The following ATF6 variants were observed in gnomAD, a reference collection of about 807,000 sequenced individuals.
ATF6 encodes the protein activating transcription factor 6.
In ATF6, 53 loss-of-function variants were observed where a neutral mutation model predicts 83.6. That is an observed-to-expected ratio of 0.63 (90% CI 0.51 to 0.80). The LOEUF is 0.80. Ranked by LOEUF, ATF6 falls within the 30% of genes least tolerant of loss-of-function variation. The pLI, the probability that ATF6 is intolerant of heterozygous loss-of-function variation, is 0.00. For synonymous variants in ATF6, 288 were observed against 285.8 expected (o/e 1.01, Z -0.08); for missense variants, 744 against 797.9 (o/e 0.93, Z 0.81).
intron 7 of ATF6, among the ~76,000 whole-genome samples, chr1:161,802,544 A>G (rs561320143): frequency 1.6e-4 from 24 of 152,276 alleles, no homozygotes; most frequent in Admixed American, 1.5e-3. Context: ...CTTCTTTAGA[A>G]CCAACCCTCT....
chr1:161,786,396 T>C (rs1217642901), intron 4 of ATF6, among the ~76,000 whole-genome samples: 5 of 152,226 alleles, frequency 3.3e-5, no homozygotes, highest in African/African-American at 4.8e-5. Flanking sequence ...GCAAATATTT[T>C]TTCCCCAATT....
chr1:161,928,794 C>G (rs1688374253), intron 15 of ATF6, among the ~76,000 whole-genome samples: 1 of 152,140 alleles, frequency 6.6e-6, no homozygotes, highest in African/African-American at 2.4e-5. Context: ...ATAGATGTGG[C>G]CATGTGTTTT....
At chr1:161,810,644 A>G (rs1481173788) in intron 7 of ATF6, among the ~76,000 whole-genome samples, 1 of 152,034 alleles carries the variant, frequency 6.6e-6, no homozygotes, top group African/African-American at 2.4e-5. Context: ...GATAAAATGC[A>G]CATTACATAA....
At chr1:161,850,968 A>G (rs1686603958) in intron 10 of ATF6, among the ~76,000 whole-genome samples, 1 of 152,180 alleles carries the variant, frequency 6.6e-6, no homozygotes, top group Non-Finnish European at 1.5e-5. Flanking sequence ...CATCAGTGCG[A>G]TGGCTAGGAA....
At position 161,787,274 on chromosome 1, in the gene ATF6, A is replaced by T. The variant is rs914514050; in HGVS notation, c.354+3178A>T. 2.0e-5 allele frequency among the ~76,000 whole-genome samples: 3 copies of T among 152,100 alleles called. 1 individual carries two copies. Among genetic ancestry groups the T allele is most frequent in the Admixed American group, 2.0e-4 (3 of 15,262 alleles). On this transcript the variant is annotated intron_variant, in intron 4 of 15. Coordinates refer to ENST00000367942, the MANE Select transcript of ATF6 (RefSeq NM_007348.4). ...AATATCCTGTTCATCATCACACTTT[A>T]TATTTGTTCACTTATTTGTTAATAT...
At chr1:161,957,171 G>GT in intron 15 of ATF6, among the ~76,000 whole-genome samples, 1 of 83,270 alleles carries the variant, frequency 1.2e-5, no homozygotes, top group East Asian at 2.8e-4. Context: ...CAGTGTCAAA[G>GT]TTAAAAAAAA....
At chr1:161,860,162 AT>A in intron 12 of ATF6, 44 bp from the exon 13 acceptor site, 1 of 1,382,706 alleles carries the variant, frequency 7.2e-7, no homozygotes, top group Non-Finnish European at 9.9e-7. Flanking sequence ...ATTTCATATA[AT>A]TTTGTGATAC....
At chr1:161,931,025 C>A (rs1241947990) in intron 15 of ATF6, among the ~76,000 whole-genome samples, 1 of 152,062 alleles carries the variant, frequency 6.6e-6, no homozygotes, top group African/African-American at 2.4e-5. Context: ...TACAGGTGCA[C>A]ACCACCATGC....
intron 14 of ATF6, among the ~76,000 whole-genome samples, chr1:161,869,874 C>G (rs1427915862): frequency 6.6e-6 from 1 of 151,712 alleles, no homozygotes; most frequent in African/African-American, 2.4e-5. Context: ...ATAATCTTAG[C>G]AATTCCTTAC....
At chr1:161,812,235 T>A (rs989483993) in intron 7 of ATF6, among the ~76,000 whole-genome samples, 2 of 152,074 alleles carry the variant, frequency 1.3e-5, no homozygotes, top group Admixed American at 1.3e-4. Context: ...CAGAGGAATG[T>A]TAAGTTTTAG....
At chr1:161,832,046 A>T (rs1686077356) in intron 9 of ATF6, among the ~76,000 whole-genome samples, 1 of 152,090 alleles carries the variant, frequency 6.6e-6, no homozygotes, top group Admixed American at 6.5e-5. Flanking sequence ...ACACCAGGAA[A>T]CCATACCACC....
chr1:161,766,389 C>T lies in ATF6; in HGVS notation c.29C>T (p.Thr10Ile). 1.9e-6 allele frequency: 3 copies of T among 1,613,490 alleles called. No individual in the cohort carries two copies. Among genetic ancestry groups the T allele is most frequent in the South Asian group, 1.1e-5 (1 of 90,898 alleles). Reference protein sequence around the residue: MGEPAGVAGTMESPFSPGLF... With the variant: MGEPAGVAGIMESPFSPGLF... The stretch of plus-strand genomic sequence containing the variant: ...GGGGAGCCGGCTGGGGTTGCCGGCA[C>T]CATGGAGTCACCTTTTAGCCCGGGA... The change falls in exon 1 of 16, where the codon ACC (threonine) becomes ATC (isoleucine). Residue 10 changes from threonine (T) to isoleucine (I), a missense_variant. By Grantham distance (89) the Thr-to-Ile change is moderately conservative. Coordinates refer to ENST00000367942, the MANE Select transcript of ATF6 (RefSeq NM_007348.4).
At chr1:161,925,216 A>G (rs1432706317) in intron 15 of ATF6, among the ~76,000 whole-genome samples, 1 of 152,158 alleles carries the variant, frequency 6.6e-6, no homozygotes, top group Non-Finnish European at 1.5e-5. Context: ...TGGTTTTTCC[A>G]CATCTGTTAA....
chr1:161,780,390 T>C (rs988595087), intron 2 of ATF6, among the ~76,000 whole-genome samples: 2 of 152,090 alleles, frequency 1.3e-5, no homozygotes, highest in African/African-American at 2.4e-5. Context: ...TATTTTTTTT[T>C]TGAGACGGAG....
At chr1:161,802,024 T>C (rs1275632312) in intron 6 of ATF6, 28 bp from the exon 7 acceptor site, 23 of 1,609,778 alleles carry the variant, frequency 1.4e-5, no homozygotes, top group Non-Finnish European at 1.9e-5. Context: ...TGTGTACCCT[T>C]TGATTCCTTT....
chr1:161,822,757 C>T (rs1210670887), intron 9 of ATF6, among the ~76,000 whole-genome samples: 1 of 152,024 alleles, frequency 6.6e-6, no homozygotes, highest in East Asian at 1.9e-4. Context: ...GTCACTTGAC[C>T]TAGTTAGGGA....
intron 10 of ATF6, among the ~76,000 whole-genome samples, chr1:161,849,128 A>T (rs1156690340): frequency 1.3e-5 from 2 of 152,164 alleles, no homozygotes; most frequent in Non-Finnish European, 2.9e-5. Flanking sequence ...TATGTCATAG[A>T]TTTATAAGAA....
At chr1:161,943,220 C>T (rs1688686167) in intron 15 of ATF6, among the ~76,000 whole-genome samples, 1 of 152,134 alleles carries the variant, frequency 6.6e-6, no homozygotes, top group Non-Finnish European at 1.5e-5. Flanking sequence ...GTAATTCGAT[C>T]ATGGGGGCTG....
intron 9 of ATF6, 36 bp downstream of exon 9, chr1:161,821,197 T>G (rs1444464789): frequency 7.3e-7 from 1 of 1,367,504 alleles, no homozygotes; most frequent in African/African-American, 1.5e-5. Flanking sequence ...ACACTAATGC[T>G]AAAAACTTAA....
Sources: gnomAD v4.1 joint callset for allele counts (sites outside exome capture counted in the v4.1 genomes callset) on GRCh38, gnomAD v4.1.1 for gene constraint, MANE v1.5 for transcripts, NCBI Gene and HGNC (gene_info 2026-07-23, HGNC 2026-07-21) for gene names.